Variants in LEPR observed in about 807,000 individuals in gnomAD.
The protein encoded by LEPR is OB receptor.
A neutral mutation model predicts 114.7 loss-of-function variants in LEPR; 56 were observed. The observed-to-expected ratio is 0.49, with a 90% CI of 0.39 to 0.61. LEPR has a LOEUF of 0.61. LEPR is among the 20% of genes least tolerant of loss of function. The probability of loss-of-function intolerance (pLI) is 0.00; values close to 1 mark genes in which losing one functional copy is unlikely to be tolerated. For synonymous variants in LEPR, 443 were observed against 461.4 expected, an observed-to-expected ratio of 0.96 and a Z score of 0.51; for missense variants, 1,202 against 1,352.9, an observed-to-expected ratio of 0.89 and a Z score of 1.75.
chr1:65,444,319 C>A (rs566586858), intron 2 of LEPR, among the ~76,000 whole-genome samples: 18 of 152,262 alleles, frequency 1.2e-4, no homozygotes, highest in Admixed American at 1.2e-3. Context: ...CCTTTGCTCA[C>A]CATGCCTTTC....
At chr1:65,494,932 G>A (rs2100503739) in intron 2 of LEPR, among the ~76,000 whole-genome samples, 1 of 152,094 alleles carries the variant, frequency 6.6e-6, no homozygotes, top group African/African-American at 2.4e-5. Flanking sequence ...AGACTTAAAT[G>A]TAAGATCTGA....
intron 2 of LEPR, chr1:65,526,065 C>T: frequency 1.0e-6 from 1 of 961,088 alleles, no homozygotes; most frequent in African/African-American, 1.8e-5. Context: ...GGACACACGG[C>T]TGACAGCAGC....
intron 2 of LEPR, among the ~76,000 whole-genome samples, chr1:65,472,764 C>T (rs940689349): frequency 6.6e-6 from 1 of 152,008 alleles, no homozygotes; most frequent in South Asian, 2.1e-4. Flanking sequence ...TCTACCTTGT[C>T]CGGCTTCTGG....
At chr1:65,501,788 T>A (rs1457883638) in intron 2 of LEPR, among the ~76,000 whole-genome samples, 4 of 152,030 alleles carry the variant, frequency 2.6e-5, no homozygotes, top group Admixed American at 1.3e-4. Context: ...ATAAAACAGG[T>A]GTAACACAAG....
At chr1:65,601,743 C>G (rs1656452748) in intron 9 of LEPR, 61 bp downstream of exon 9, 2 of 1,608,680 alleles carry the variant, frequency 1.2e-6, no homozygotes, top group Admixed American at 1.7e-5. Flanking sequence ...TATGGACCCT[C>G]CTTATATTAG....
rs375817732 is a variant in LEPR at position 65,601,562 on chromosome 1, A to G, written c.1165A>G (p.Ser389Gly). The G allele has an allele frequency of 1.2e-6, 2 of 1,613,716 alleles. No homozygotes were observed. The highest frequency in any genetic ancestry group is 2.7e-5 in the African/African-American group (2 of 74,920). ...GTATGATGTTGTGAGTGATCATGTT[A>G]GCAAAGTTACTTTTTTCAATCTGAA... ...SQYDVVSDHV[S>G]KVTFFNLNET... is the part of the protein sequence containing the mutation. The change falls in exon 9 of 20, where the codon AGC becomes GGC. Residue 389 changes from serine to glycine, a missense_variant. Ser to Gly is a moderately conservative substitution (Grantham distance 56, BLOSUM62 0). Coordinates refer to ENST00000349533, the MANE Select transcript of LEPR (RefSeq NM_002303.6).
intron 8 of LEPR, among the ~76,000 whole-genome samples, chr1:65,600,830 A>G (rs1656395961): frequency 6.6e-6 from 1 of 151,764 alleles, no homozygotes; most frequent in African/African-American, 2.4e-5. Context: ...AGTATTTCCC[A>G]TTTTCTCTGC....
chr1:65,622,809 C>A, intron 18 of LEPR, 97 bp from the exon 19 acceptor site: 1 of 1,282,472 alleles, frequency 7.8e-7, no homozygotes, highest in Non-Finnish European at 1.1e-6. Context: ...CATAGTTGAT[C>A]TGGTGGACTA....
chr1:65,548,472 C>T (rs936761891), intron 2 of LEPR, among the ~76,000 whole-genome samples: 5 of 152,080 alleles, frequency 3.3e-5, no homozygotes, highest in Non-Finnish European at 7.4e-5. Flanking sequence ...TCAGGACTTG[C>T]TTTATGAATC....
intron 2 of LEPR, among the ~76,000 whole-genome samples, chr1:65,428,811 C>G (rs17127618): frequency 0.16 from 24,506 of 151,930 alleles, 2,050 homozygotes; most frequent in South Asian, 0.24. Context: ...AGAGAAAATA[C>G]TGTTGGAAAC....
rs191472582 is a variant in LEPR, at chr1:65,614,253, G to A, written c.1996-1755G>A. 4.7e-3 allele frequency among the ~76,000 whole-genome samples: 714 copies of A among 152,310 alleles called. 6 individuals are homozygous for A. Among genetic ancestry groups the A allele is most frequent in the Non-Finnish European group, 7.8e-3 (529 of 68,028 alleles). ...ATACTTCTGAAATGGTGGGTATATAGCACTATGCATTTGCCAAAACTCCTC... is the reference window on the plus strand; with the variant it reads ...ATACTTCTGAAATGGTGGGTATATAACACTATGCATTTGCCAAAACTCCTC... On this transcript the variant is annotated intron_variant, in intron 14 of 19. Coordinates refer to ENST00000349533, the MANE Select transcript of LEPR (RefSeq NM_002303.6).
intron 2 of LEPR, among the ~76,000 whole-genome samples, chr1:65,528,297 A>C (rs1407130188): frequency 6.6e-6 from 1 of 152,198 alleles, no homozygotes; most frequent in Non-Finnish European, 1.5e-5. Flanking sequence ...TCTAATTCTT[A>C]AGACTTTATG....
rs1658735246 is a variant in LEPR, at chr1:65,636,817, A to G, written c.3300A>G (p.Val1100=). 6.2e-7 allele frequency: 1 copy of G among 1,613,958 alleles called. No individual in the cohort carries two copies. Among genetic ancestry groups the G allele is most frequent in the Non-Finnish European group, 8.5e-7 (1 of 1,179,956 alleles). ...TGCTTTTGACTGACAAGTCAAGGGT[A>G]TCGTGCCCATTCCCAGCCCCCTGTT... The part of the protein sequence containing the change: ...SGVLLTDKSR[V]SCPFPAPCLF... The change falls in exon 20 of 20, where the codon GTA becomes GTG. Residue 1100 remains valine (V), a synonymous_variant. Coordinates refer to ENST00000349533, the MANE Select transcript of LEPR (RefSeq NM_002303.6).
intron 2 of LEPR, among the ~76,000 whole-genome samples, chr1:65,529,846 C>T (rs2100613453): frequency 6.6e-6 from 1 of 152,278 alleles, no homozygotes; most frequent in Admixed American, 6.5e-5. Flanking sequence ...TTTCCTCCTT[C>T]TTCACTGGCT....
chr1:65,578,344 AC>A (rs1654744423), intron 5 of LEPR: 1 of 220,294 alleles, frequency 4.5e-6, no homozygotes, highest in East Asian at 1.1e-4. Context: ...GTAAAAATGT[AC>A]CCATAACAGA....
chr1:65,431,746 G>T lies in LEPR; in HGVS notation c.-21+6368G>T, dbSNP rs1646487272. On this transcript the variant is annotated intron_variant, in intron 2 of 19. Coordinates refer to ENST00000349533, the MANE Select transcript of LEPR (RefSeq NM_002303.6). Reference sequence around the variant, plus strand: ...TCTAATGCAGAAAATAATAGGGATTGCAAAGAGTACAATATGAAGGAAGTA... The same window carrying T: ...TCTAATGCAGAAAATAATAGGGATTTCAAAGAGTACAATATGAAGGAAGTA... 24 of 1,547,212 alleles carry T rather than the reference G, an allele frequency of 1.6e-5. No homozygotes were observed. In the South Asian group the frequency reaches 2.1e-4, roughly 14 times the overall value.
At chr1:65,572,545 A>T in intron 5 of LEPR, 96 bp downstream of exon 5, 1 of 1,220,084 alleles carries the variant, frequency 8.2e-7, no homozygotes, top group Non-Finnish European at 1.2e-6. Context: ...TTGCATCCCT[A>T]CATTTCCTAT....
At chr1:65,604,517 A>G (rs1308766691) in intron 10 of LEPR, among the ~76,000 whole-genome samples, 2 of 152,018 alleles carry the variant, frequency 1.3e-5, no homozygotes, top group East Asian at 3.9e-4. Flanking sequence ...GGGTTTCCCC[A>G]TGTTGCCCAG....
At position 65,636,854 on chromosome 1, in the gene LEPR, A is replaced by C; in HGVS notation, c.3337A>C (p.Ile1113Leu). Residue 1113 changes from isoleucine (I) to leucine (L), a missense_variant, in exon 20 of 20, where the codon ATC (isoleucine) becomes CTC (leucine). Transcript: ENST00000349533. ...CCCAGCCCCCTGTTTATTCACGGACATCAGAGTTCTCCAGGACAGTTGCTC... is the reference window on the plus strand; with the variant it reads ...CCCAGCCCCCTGTTTATTCACGGACCTCAGAGTTCTCCAGGACAGTTGCTC... ...PFPAPCLFTD[I>L]RVLQDSCSHF... 6.2e-7 allele frequency: 1 copy of C among 1,612,102 alleles called. No individual in the cohort carries two copies. Among genetic ancestry groups the C allele is most frequent in the Non-Finnish European group, 8.5e-7 (1 of 1,179,256 alleles).
Sources: gnomAD v4.1 joint callset for allele counts (sites outside exome capture counted in the v4.1 genomes callset) on GRCh38, gnomAD v4.1.1 for gene constraint, MANE v1.5 for transcripts, NCBI Gene and HGNC (gene_info 2026-07-23, HGNC 2026-07-21) for gene names.